DHRSX: variants seen among roughly 807,000 people sequenced by gnomAD.
DHRSX encodes polyprenol dehydrogenase.
Under a neutral mutation model 34.0 loss-of-function variants are expected in DHRSX, and 31 were observed. That is an observed-to-expected ratio of 0.91 (90% CI 0.69 to 1.23). The LOEUF is 1.23. Ranked by LOEUF, DHRSX falls within the 50% of genes most tolerant of loss-of-function variation. The pLI is 0.00. For missense variants in DHRSX, 414 were observed against 428.1 expected (o/e 0.97, Z 0.29); for synonymous variants, 201 against 183.8 (o/e 1.09, Z -0.76).
At chrX:2,245,259 G>A (rs1427317627) in intron 5 of DHRSX, among the ~76,000 whole-genome samples, 1 of 152,038 alleles carries the variant, frequency 6.6e-6, no homozygotes, top group Admixed American at 6.6e-5. Flanking sequence ...ACCTACCTGT[G>A]AGCTGGAAGC....
rs776451936 is a variant in DHRSX, at chrX:2,399,132, C to G, written c.286+9613G>C. The stretch of plus-strand genomic sequence containing the variant: ...GCCATAGAGATTTGGAAGGTTATTA[C>G]CACCCTGAGATATGAAGAGCCCTGA... On this transcript the variant is annotated intron_variant, in intron 3 of 6. Coordinates refer to ENST00000334651, the MANE Select transcript of DHRSX (RefSeq NM_145177.3). Among the ~76,000 whole-genome samples, 308 of 86,190 alleles carry G rather than the reference C, an allele frequency of 3.6e-3. 6 individuals are homozygous for G. In the East Asian group the frequency reaches 0.084, roughly 23 times the overall value. 56.5% of individuals were successfully genotyped at this position (86,190 alleles called of 152,430 possible).
chrX:2,320,884 G>T (rs192276949), intron 3 of DHRSX, among the ~76,000 whole-genome samples: 3 of 151,960 alleles, frequency 2.0e-5, no homozygotes, highest in Non-Finnish European at 2.9e-5. Flanking sequence ...CAGCCATGAC[G>T]TGTCGGTCCA....
At chrX:2,387,717 A>G (rs1397210782) in intron 3 of DHRSX, among the ~76,000 whole-genome samples, 2 of 152,000 alleles carry the variant, frequency 1.3e-5, no homozygotes, top group Non-Finnish European at 2.9e-5. Flanking sequence ...GCATCCTTCA[A>G]TCCAATCAAG....
chrX:2,347,448 C>G (rs1333867442), intron 3 of DHRSX, among the ~76,000 whole-genome samples: 1 of 152,210 alleles, frequency 6.6e-6, no homozygotes, highest in Non-Finnish European at 1.5e-5. Context: ...AATCCCAGCA[C>G]TTTGGGAGGC....
intron 4 of DHRSX, among the ~76,000 whole-genome samples, chrX:2,287,279 G>A (rs1027434308): frequency 6.6e-6 from 1 of 151,936 alleles, no homozygotes; most frequent in Non-Finnish European, 1.5e-5. Flanking sequence ...CCCCATGTGG[G>A]AGACACAATA....
At chrX:2,269,310 T>G (rs977314298) in intron 4 of DHRSX, among the ~76,000 whole-genome samples, 5 of 152,250 alleles carry the variant, frequency 3.3e-5, no homozygotes, top group African/African-American at 1.2e-4. Context: ...TCTGTGTATT[T>G]GTACATGTAT....
intron 3 of DHRSX, among the ~76,000 whole-genome samples, chrX:2,402,726 A>T (rs2043501693): frequency 6.6e-6 from 1 of 152,024 alleles, no homozygotes; most frequent in Non-Finnish European, 1.5e-5. Flanking sequence ...AATTGCATGC[A>T]CACATAGTAG....
intron 6 of DHRSX, among the ~76,000 whole-genome samples, chrX:2,224,855 CAA>C (rs927113917): frequency 1.5e-4 from 23 of 151,444 alleles, no homozygotes; most frequent in African/African-American, 4.9e-4. Context: ...CACATGCACA[CAA>C]ATTCGCATGC....
chrX:2,495,503 G>A (rs2124130344), intron 1 of DHRSX, among the ~76,000 whole-genome samples: 1 of 152,202 alleles, frequency 6.6e-6, no homozygotes, highest in South Asian at 2.1e-4. Flanking sequence ...AGTGACTCCT[G>A]GAAGGAGAAA....
chrX:2,372,892 G>C (rs962490475), intron 3 of DHRSX, among the ~76,000 whole-genome samples: 1 of 152,100 alleles, frequency 6.6e-6, no homozygotes, highest in African/African-American at 2.4e-5. Context: ...GATTACAGGC[G>C]TCAGCCACCG....
chrX:2,325,344 G>A (rs1301123632), intron 3 of DHRSX, among the ~76,000 whole-genome samples: 1 of 151,670 alleles, frequency 6.6e-6, no homozygotes, highest in African/African-American at 2.4e-5. Context: ...GCAGGAACTA[G>A]GGACTAGACA....
intron 3 of DHRSX, among the ~76,000 whole-genome samples, chrX:2,332,910 C>T (rs757435146): frequency 9.9e-5 from 15 of 152,166 alleles, no homozygotes; most frequent in African/African-American, 1.7e-4. Context: ...TACCATTTTA[C>T]GAAAAGACTC....
chrX:2,488,626 G>T (rs186763014), intron 1 of DHRSX: 713 of 1,585,434 alleles, frequency 4.5e-4, no homozygotes, highest in Admixed American at 5.7e-4. Flanking sequence ...AAGACAACAC[G>T]CTTCCTCGCT....
intron 4 of DHRSX, among the ~76,000 whole-genome samples, chrX:2,276,734 A>G (rs778471240): frequency 1.4e-5 from 2 of 141,946 alleles, no homozygotes; most frequent in Non-Finnish European, 3.2e-5. Flanking sequence ...AAGGGCAATC[A>G]GAGAGAGAGA....
chrX:2,333,192 C>A (rs1261207028), intron 3 of DHRSX, among the ~76,000 whole-genome samples: 2 of 152,078 alleles, frequency 1.3e-5, no homozygotes, highest in Non-Finnish European at 2.9e-5. Context: ...GCATTTTATT[C>A]TTTTTTATAA....
At chrX:2,420,674 C>T (rs1359755938) in intron 2 of DHRSX, among the ~76,000 whole-genome samples, 3 of 151,170 alleles carry the variant, frequency 2.0e-5, no homozygotes, top group Non-Finnish European at 2.9e-5. Context: ...ACCCGGGAGG[C>T]GGAGGTTGAA....
intron 1 of DHRSX, among the ~76,000 whole-genome samples, chrX:2,467,555 C>G (rs6567546): frequency 6.6e-6 from 1 of 151,674 alleles, no homozygotes; most frequent in African/African-American, 2.4e-5. Flanking sequence ...TGTGAGATGC[C>G]AAAAACCAGA....
intron 3 of DHRSX, among the ~76,000 whole-genome samples, chrX:2,344,873 A>G (rs1238563374): frequency 2.7e-3 from 2 of 728 alleles, no homozygotes; most frequent in East Asian, 0.021. Context: ...AAAAAGAAGC[A>G]TATATATATA....
At position 2,412,590 on chromosome X, in the gene DHRSX, T is replaced by G. The variant is rs190567355; in HGVS notation, c.218-3777A>C. 2.6e-5 allele frequency among the ~76,000 whole-genome samples: 4 copies of G among 151,922 alleles called. No homozygotes were observed. In the East Asian group the frequency reaches 7.7e-4, roughly 29 times the overall value. On this transcript the variant is annotated intron_variant, in intron 2 of 6. Coordinates refer to ENST00000334651, the MANE Select transcript of DHRSX (RefSeq NM_145177.3). ...TAGCAATCTCACTCCTCTGTATAGA[T>G]CCAAAGGAAATGAAATCAGCCCCTT...
Sources: allele counts gnomAD v4.1 joint callset (sites outside exome capture counted in the v4.1 genomes callset), GRCh38; gene constraint gnomAD v4.1.1; transcripts MANE v1.5; gene names NCBI Gene and HGNC (gene_info 2026-07-23, HGNC 2026-07-21).